RPH3AL: variants seen among roughly 807,000 people sequenced by gnomAD.
The protein encoded by RPH3AL is rab effector Noc2.
RPH3AL carries 38 observed loss-of-function variants against 43.1 expected under a neutral mutation model. The observed-to-expected ratio is 0.88, with a 90% CI of 0.68 to 1.15. The LOEUF is 1.15. RPH3AL is among the 50% of genes most tolerant of loss of function. The pLI is 0.00. For synonymous variants in RPH3AL, 189 were observed against 176.3 expected (o/e 1.07, Z -0.57); for missense variants, 462 against 423.2 (o/e 1.09, Z -0.81).
chr17:278,291 T>C (rs2042703083), intron 6 of RPH3AL, among the ~76,000 whole-genome samples: 1 of 152,180 alleles, frequency 6.6e-6, no homozygotes, highest in Admixed American at 6.5e-5. Context: ...CCTTTCGCCT[T>C]CCGCCGTGAT....
At chr17:285,405 T>C (rs1409563136) in intron 5 of RPH3AL, among the ~76,000 whole-genome samples, 1 of 152,162 alleles carries the variant, frequency 6.6e-6, no homozygotes, top group African/African-American at 2.4e-5. Flanking sequence ...ACCCTTGGGT[T>C]GTTTTGAGGA....
intron 5 of RPH3AL, among the ~76,000 whole-genome samples, chr17:317,048 T>A (rs199852045): frequency 4.7e-5 from 1 of 21,284 alleles, no homozygotes; most frequent in East Asian, 8.5e-4. Context: ...ACCTGTAGTC[T>A]CTGTGCCCCA....
chr17:256,054 C>A (rs368691654), intron 6 of RPH3AL, among the ~76,000 whole-genome samples: 2 of 19,830 alleles, frequency 1.0e-4, no homozygotes, highest in South Asian at 2.7e-3. Flanking sequence ...TGAGGGGAGC[C>A]GCACGGCGTC....
At chr17:261,069 G>C (rs2151571156) in intron 6 of RPH3AL, among the ~76,000 whole-genome samples, 1 of 152,334 alleles carries the variant, frequency 6.6e-6, no homozygotes. Context: ...GAGCCAGGCA[G>C]AGTGCCCGGC....
chr17:272,956 CTACGTCAGGGT>C (rs2042518783), intron 6 of RPH3AL, among the ~76,000 whole-genome samples: 18 of 34,442 alleles, frequency 5.2e-4, no homozygotes, highest in Admixed American at 3.8e-3. Context: ...CCAGCAAGGG[CTACGTCAGGGT>C]GAGACCCCAG....
In RPH3AL at chr17:215,680, G is replaced by A. The variant is rs201204475; in HGVS notation, c.850C>T (p.Arg284Cys). ...TGSADPPGGPRPGLTRRAPVK... is the reference protein window; with the variant it reads ...TGSADPPGGPCPGLTRRAPVK... The stretch of plus-strand genomic sequence containing the variant: ...GGGGCCCTTCGGGTCAGCCCGGGGC[G>A]GGGTCCCCCTGGCGGGTCAGCAGAG... The change falls in exon 9 of 10, where the codon CGC (arginine) becomes TGC (cysteine). Residue 284 changes from arginine (R) to cysteine (C), a missense_variant. Arg to Cys is a radical substitution (Grantham distance 180). Coordinates refer to ENST00000331302, the MANE Select transcript of RPH3AL (RefSeq NM_006987.4). This position sits in a 1 kb window ranked among gnomAD's most constrained non-coding sequence, Gnocchi z 4.1. 177 of 1,275,784 alleles carry A rather than the reference G, an allele frequency of 1.4e-4. No homozygotes were observed. Among genetic ancestry groups the A allele is most frequent in the African/African-American group, 8.5e-4 (55 of 64,690 alleles). The allele number at this position is 1,275,784 out of a possible 1,614,324, so 79.0% of individuals were successfully genotyped here.
rs117837962 is a variant in RPH3AL at position 246,100 on chromosome 17, C to T, written c.613+1011G>A. On this transcript the variant is annotated intron_variant, in intron 7 of 9. Transcript: ENST00000331302. The surrounding 1 kb of genome is among the most constrained non-coding windows in gnomAD (Gnocchi z 4.8). ...CGTCACTGGACAACTTTCACATGTTCGTAATAAACATGCATTACTTTTGTA... is the reference window on the plus strand; with the variant it reads ...CGTCACTGGACAACTTTCACATGTTTGTAATAAACATGCATTACTTTTGTA... Among the ~76,000 whole-genome samples, 40 of 152,242 alleles carry T rather than the reference C, an allele frequency of 2.6e-4. No homozygotes were observed. The East Asian group carries it at 6.9e-3, about 26-fold the overall frequency.
intron 7 of RPH3AL, among the ~76,000 whole-genome samples, chr17:239,976 G>A (rs544297815): frequency 1.3e-5 from 2 of 152,252 alleles, no homozygotes; most frequent in South Asian, 2.1e-4. Context: ...AGTGGCTCAC[G>A]CCTCTAATCC....
At chr17:252,593 T>A (rs9892618) in intron 6 of RPH3AL, among the ~76,000 whole-genome samples, 69,246 of 151,976 alleles carry the variant, frequency 0.46, 16,816 homozygotes, top group African/African-American at 0.63. Context: ...TTTATTAAAC[T>A]TAAGTAATCC....
chr17:248,763 T>C (rs1436289179), intron 6 of RPH3AL, among the ~76,000 whole-genome samples: 1 of 152,204 alleles, frequency 6.6e-6, no homozygotes, highest in Admixed American at 6.5e-5. Context: ...TTTGAGTGAG[T>C]TACTTAACCT....
intron 5 of RPH3AL, among the ~76,000 whole-genome samples, chr17:282,537 C>G (rs10871512): frequency 0.73 from 110,967 of 152,168 alleles, 42,422 homozygotes; most frequent in Non-Finnish European, 0.84. Context: ...GCTGGGCCAT[C>G]GAAGACCCCA....
intron 7 of RPH3AL, among the ~76,000 whole-genome samples, chr17:244,983 C>A (rs1555539159): frequency 6.6e-6 from 1 of 151,942 alleles, no homozygotes. Context: ...TGCATGTGAG[C>A]AAGTGTGTAT....
intron 6 of RPH3AL, among the ~76,000 whole-genome samples, chr17:268,941 C>G (rs975588414): frequency 6.6e-6 from 1 of 152,054 alleles, no homozygotes; most frequent in African/African-American, 2.4e-5. Flanking sequence ...TGCAGTGCCG[C>G]GATCTCGGCT....
intron 5 of RPH3AL, among the ~76,000 whole-genome samples, chr17:312,426 C>A (rs2043668255): frequency 6.6e-6 from 1 of 152,188 alleles, no homozygotes; most frequent in African/African-American, 2.4e-5. Flanking sequence ...AATCAGCCAG[C>A]ACCTTGATCT....
intron 6 of RPH3AL, among the ~76,000 whole-genome samples, chr17:249,714 G>T (rs56252542): frequency 0.31 from 46,715 of 150,638 alleles, 7,510 homozygotes; most frequent in Non-Finnish European, 0.33. Flanking sequence ...ACATACTCTT[G>T]AAAAGCACTA....
At chr17:313,814 T>C (rs2043721913) in intron 5 of RPH3AL, among the ~76,000 whole-genome samples, 2 of 152,114 alleles carry the variant, frequency 1.3e-5, no homozygotes, top group African/African-American at 4.8e-5. Flanking sequence ...TGACACCACC[T>C]TCTCCAAGAA....
At chr17:221,981 C>A (rs1239867180) in intron 7 of RPH3AL, among the ~76,000 whole-genome samples, 19 of 122,734 alleles carry the variant, frequency 1.5e-4, no homozygotes, top group South Asian at 2.9e-4. Context: ...TAGACCCAAG[C>A]GCATCAGCTC....
intron 5 of RPH3AL, among the ~76,000 whole-genome samples, chr17:313,370 C>T (rs532895271): frequency 5.3e-5 from 8 of 152,334 alleles, no homozygotes; most frequent in South Asian, 4.1e-4. Flanking sequence ...CCTTGACTGG[C>T]GAGGCTGTGT....
intron 1 of RPH3AL, among the ~76,000 whole-genome samples, chr17:340,527 TCCCCACGTCCACACTCACTGCCCCCCACC>T (rs2045089823): frequency 6.9e-4 from 1 of 1,452 alleles, no homozygotes; most frequent in Admixed American, 9.8e-3. Context: ...CACCCAGGCC[TCCCCACGTCCACACTCACTGCCCCCCACC>T]CAGGCCTCCC....
Sources: gnomAD v4.1 joint callset for allele counts (sites outside exome capture counted in the v4.1 genomes callset) on GRCh38, gnomAD v4.1.1 for gene constraint, Gnocchi (gnomAD v3.1) non-coding constraint, MANE v1.5 for transcripts, NCBI Gene and HGNC (gene_info 2026-07-23, HGNC 2026-07-21) for gene names.